Variants in CNTN4 observed in about 807,000 individuals in gnomAD.
CNTN4 encodes contactin-4.
Under a neutral mutation model 122.5 loss-of-function variants are expected in CNTN4, and 77 were observed. The observed-to-expected ratio is 0.63, with a 90% CI of 0.52 to 0.76. The LOEUF is 0.76. CNTN4 is among the 30% of genes least tolerant of loss of function. The pLI is 0.00. For missense variants in CNTN4, 1,256 were observed against 1,259.1 expected (o/e 1.00, Z 0.04); for synonymous variants, 512 against 447.0 (o/e 1.15, Z -1.83).
chr3:2,660,970 T>TCAA (rs1311707334), intron 4 of CNTN4, among the ~76,000 whole-genome samples: 1 of 152,240 alleles, frequency 6.6e-6, no homozygotes, highest in African/African-American at 2.4e-5. Context: ...ATAATTAAAA[T>TCAA]CAACAATATT....
intron 2 of CNTN4, among the ~76,000 whole-genome samples, chr3:2,287,681 A>G (rs182737674): frequency 0.082 from 7,593 of 92,398 alleles, 423 homozygotes; most frequent in Non-Finnish European, 0.11. Context: ...AAGAAGAAGA[A>G]GAAGAAGAAG....
chr3:2,979,611 GT>G lies in CNTN4; in HGVS notation c.1359-8720del, dbSNP rs397976602. 3.0e-3 allele frequency among the ~76,000 whole-genome samples: 417 copies of G among 140,920 alleles called. 3 individuals are homozygous for G. The highest frequency in any genetic ancestry group is 7.2e-3 in the Admixed American group (102 of 14,170). 92.4% of individuals were successfully genotyped at this position (140,920 alleles called of 152,430 possible). A position where few individuals can be genotyped will look rare whatever the true frequency, so the allele number is the denominator to read the frequency against. ...GTAGAAGCCTTTTAAGGCCCTTTGA[GT>G]TTTTTTTTTTTTTAATTGCACATAA... On this transcript the variant is annotated intron_variant, in intron 13 of 24. Transcript: ENST00000418658.
chr3:2,288,218 A>G (rs926530553), intron 2 of CNTN4, among the ~76,000 whole-genome samples: 3 of 152,170 alleles, frequency 2.0e-5, no homozygotes, highest in African/African-American at 7.2e-5. Context: ...AAAGAAGTTT[A>G]TTTGGTTTAC....
chr3:2,571,125 T>C (rs2079403221), intron 3 of CNTN4, among the ~76,000 whole-genome samples: 1 of 152,164 alleles, frequency 6.6e-6, no homozygotes, highest in Non-Finnish European at 1.5e-5. Context: ...TTGCAAAGCA[T>C]AGTGCATTCC....
chr3:2,830,420 A>G (rs2093079663), intron 7 of CNTN4, among the ~76,000 whole-genome samples: 1 of 152,400 alleles, frequency 6.6e-6, no homozygotes, highest in South Asian at 2.1e-4. Flanking sequence ...GAATGGATCC[A>G]TAAGGCTAAA....
chr3:2,253,033 A>G (rs568471757), intron 2 of CNTN4, among the ~76,000 whole-genome samples: 2 of 152,296 alleles, frequency 1.3e-5, no homozygotes, highest in Non-Finnish European at 1.5e-5. Context: ...TAGTTGTTTG[A>G]TTAGTTTCAG....
chr3:2,677,822 T>C (rs2150449205), intron 4 of CNTN4, among the ~76,000 whole-genome samples: 1 of 152,204 alleles, frequency 6.6e-6, no homozygotes, highest in South Asian at 2.1e-4. Flanking sequence ...TTTCCTGCAA[T>C]GCATCTTATC....
At chr3:2,423,976 A>G (rs1335585855) in intron 3 of CNTN4, among the ~76,000 whole-genome samples, 1 of 88,888 alleles carries the variant, frequency 1.1e-5, no homozygotes, top group Non-Finnish European at 2.2e-5. Flanking sequence ...CAACATACCT[A>G]ATGTAAATGA....
At chr3:2,253,141 G>C (rs904631140) in intron 2 of CNTN4, among the ~76,000 whole-genome samples, 6 of 121,230 alleles carry the variant, frequency 4.9e-5, no homozygotes, top group African/African-American at 1.6e-4. Context: ...ATTGAAATTG[G>C]TCAAGGTAAC....
chr3:2,436,546 A>C (rs1238746071), intron 3 of CNTN4, among the ~76,000 whole-genome samples: 1 of 151,950 alleles, frequency 6.6e-6, no homozygotes, highest in Non-Finnish European at 1.5e-5. Flanking sequence ...TCTTTCTGGA[A>C]TCACTCTCTT....
At chr3:2,663,695 A>G (rs1179958915) in intron 4 of CNTN4, among the ~76,000 whole-genome samples, 1 of 152,224 alleles carries the variant, frequency 6.6e-6, no homozygotes, top group Non-Finnish European at 1.5e-5. Flanking sequence ...AAAATGATAA[A>G]GAGAACCAAG....
intron 2 of CNTN4, among the ~76,000 whole-genome samples, chr3:2,122,388 A>G (rs2033862090): frequency 6.6e-6 from 1 of 152,198 alleles, no homozygotes; most frequent in Non-Finnish European, 1.5e-5. Flanking sequence ...ACTATAAAAA[A>G]TGATGGCATG....
chr3:2,870,084 C>T (rs2093767815), intron 8 of CNTN4, among the ~76,000 whole-genome samples: 1 of 152,092 alleles, frequency 6.6e-6, no homozygotes, highest in Non-Finnish European at 1.5e-5. Flanking sequence ...TGTGACATAG[C>T]CAGGGACAGA....
intron 4 of CNTN4, among the ~76,000 whole-genome samples, chr3:2,576,250 C>T (rs1271494683): frequency 1.3e-5 from 2 of 152,184 alleles, no homozygotes; most frequent in African/African-American, 4.8e-5. Context: ...AAATGTCTGG[C>T]ACATAGTGCA....
chr3:2,474,113 T>C (rs1416430064), intron 3 of CNTN4, among the ~76,000 whole-genome samples: 2 of 152,210 alleles, frequency 1.3e-5, no homozygotes, highest in Non-Finnish European at 2.9e-5. Flanking sequence ...CATCTCCTTT[T>C]TCTTGCCACC....
intron 2 of CNTN4, among the ~76,000 whole-genome samples, chr3:2,307,463 C>A (rs562354347): frequency 6.6e-6 from 1 of 151,736 alleles, no homozygotes; most frequent in South Asian, 2.1e-4. Context: ...AGCAAGACAA[C>A]CATTCTTGTC....
At chr3:2,849,123 A>G (rs1372966543) in intron 7 of CNTN4, among the ~76,000 whole-genome samples, 1 of 152,242 alleles carries the variant, frequency 6.6e-6, no homozygotes, top group African/African-American at 2.4e-5. Flanking sequence ...AACAAGATCC[A>G]CTGTCCTGGA....
At chr3:2,990,298 C>T (rs187322953) in intron 14 of CNTN4, among the ~76,000 whole-genome samples, 134 of 152,216 alleles carry the variant, frequency 8.8e-4, no homozygotes, top group Non-Finnish European at 1.4e-3. Flanking sequence ...AATGGATATG[C>T]GTGTATTCTA....
intron 2 of CNTN4, among the ~76,000 whole-genome samples, chr3:2,260,501 G>A (rs2040790776): frequency 6.6e-6 from 1 of 152,012 alleles, no homozygotes; most frequent in South Asian, 2.1e-4. Context: ...AAATCATTGT[G>A]GCAGATGAGG....
Sources: gnomAD v4.1 joint callset for allele counts (sites outside exome capture counted in the v4.1 genomes callset) on GRCh38, gnomAD v4.1.1 for gene constraint, MANE v1.5 for transcripts, NCBI Gene and HGNC (gene_info 2026-07-23, HGNC 2026-07-21) for gene names.